Variants in PACRG observed in about 807,000 individuals in gnomAD.
PACRG encodes parkin coregulated gene protein.
Under a neutral mutation model 29.7 loss-of-function variants are expected in PACRG, and 29 were observed. That is an observed-to-expected ratio of 0.98 (90% CI 0.73 to 1.33). The LOEUF (loss-of-function observed/expected upper bound fraction) is 1.33, where lower values mean the gene tolerates loss of function less well. Among genes scored for constraint, PACRG ranks in the 40% most tolerant of loss-of-function variants. The probability of loss-of-function intolerance (pLI) is 0.00; values close to 1 mark genes in which losing one functional copy is unlikely to be tolerated. For synonymous variants in PACRG, 116 were observed against 118.7 expected (o/e 0.98, Z 0.15); for missense variants, 279 against 316.2 (o/e 0.88, Z 0.89).
rs540173639 is a variant in PACRG at position 162,951,914 on chromosome 6, A to C, written c.292-110236A>C. ...CAGCCAACATAGCTTTCCTGGTCTT[A>C]ACCCATCAGCTTTGCTTGTGCCTCC... is the stretch of plus-strand genomic sequence containing the variant. On this transcript the variant is annotated intron_variant, in intron 2 of 4. Transcript: ENST00000366888. Among the ~76,000 whole-genome samples, 28 of 152,274 alleles carry C rather than the reference A, an allele frequency of 1.8e-4. 1 individual carries two copies. The South Asian group carries it at 4.6e-3, about 25-fold the overall frequency.
intron 2 of PACRG, among the ~76,000 whole-genome samples, chr6:162,937,960 C>T (rs977472103): frequency 1.3e-5 from 2 of 151,576 alleles, no homozygotes; most frequent in African/African-American, 4.9e-5. Context: ...AGAGTAAGTT[C>T]TTTAGTGGTG....
chr6:162,922,155 T>A (rs554470721), intron 2 of PACRG, among the ~76,000 whole-genome samples: 1 of 151,628 alleles, frequency 6.6e-6, no homozygotes, highest in South Asian at 2.1e-4. Context: ...TCTTAGGAAT[T>A]TCCGCCTTAT....
At chr6:162,747,656 A>G (rs1208635247) in intron 1 of PACRG, among the ~76,000 whole-genome samples, 1 of 151,188 alleles carries the variant, frequency 6.6e-6, no homozygotes. Flanking sequence ...AGGGAAAGCC[A>G]GAATCAACCA....
intron 2 of PACRG, among the ~76,000 whole-genome samples, chr6:162,960,213 C>G (rs528545428): frequency 6.6e-6 from 1 of 152,314 alleles, no homozygotes; most frequent in African/African-American, 2.4e-5. Context: ...TCTCAAAGAA[C>G]TTAAAACAGA....
chr6:162,887,350 A>C (rs978223064), intron 2 of PACRG, among the ~76,000 whole-genome samples: 1 of 152,220 alleles, frequency 6.6e-6, no homozygotes, highest in African/African-American at 2.4e-5. Context: ...CCATCTTTGC[A>C]AATTAAGAGA....
At chr6:163,227,400 G>A (rs1387200257) in intron 4 of PACRG, among the ~76,000 whole-genome samples, 1 of 152,168 alleles carries the variant, frequency 6.6e-6, no homozygotes, top group Middle Eastern at 3.2e-3. Flanking sequence ...CTCCCACCAG[G>A]CCTCGCCTCC....
intron 4 of PACRG, among the ~76,000 whole-genome samples, chr6:163,196,428 T>G (rs1229301250): frequency 6.6e-6 from 1 of 152,236 alleles, no homozygotes; most frequent in African/African-American, 2.4e-5. Context: ...CACCTTGCTG[T>G]GCAGCATTGG....
intron 2 of PACRG, among the ~76,000 whole-genome samples, chr6:163,059,043 C>A: frequency 6.6e-6 from 1 of 151,616 alleles, no homozygotes; most frequent in Admixed American, 6.6e-5. Context: ...CGCACCACTG[C>A]CCTCCAGGCT....
intron 2 of PACRG, among the ~76,000 whole-genome samples, chr6:162,985,213 G>T (rs1456502581): frequency 6.6e-6 from 1 of 151,962 alleles, no homozygotes. Context: ...TATGAAGCCA[G>T]TACCACCCTA....
intron 4 of PACRG, among the ~76,000 whole-genome samples, chr6:163,174,138 A>G (rs1562949749): frequency 6.6e-6 from 1 of 152,218 alleles, no homozygotes; most frequent in Non-Finnish European, 1.5e-5. Context: ...GGAATACCCA[A>G]TCTTTTGGCT....
At chr6:163,036,837 CATCCACCT>C (rs1262043217) in intron 2 of PACRG, among the ~76,000 whole-genome samples, 6 of 150,352 alleles carry the variant, frequency 4.0e-5, no homozygotes, top group Non-Finnish European at 8.9e-5. Context: ...TCCATCCATC[CATCCACCT>C]ATCCATCCAG....
At chr6:162,769,521 T>A (rs1783051482) in intron 1 of PACRG, among the ~76,000 whole-genome samples, 1 of 151,972 alleles carries the variant, frequency 6.6e-6, no homozygotes, top group African/African-American at 2.4e-5. Flanking sequence ...ACCTTGATGG[T>A]TTTTGTGCCT....
At chr6:163,213,952 C>G (rs1208173007) in intron 4 of PACRG, among the ~76,000 whole-genome samples, 2 of 152,172 alleles carry the variant, frequency 1.3e-5, no homozygotes, top group Non-Finnish European at 2.9e-5. Flanking sequence ...AGTAGCCTCT[C>G]TTTTTCCCAC....
At chr6:162,968,173 T>C (rs1453510129) in intron 2 of PACRG, among the ~76,000 whole-genome samples, 4 of 152,198 alleles carry the variant, frequency 2.6e-5, no homozygotes, top group Admixed American at 1.3e-4. Flanking sequence ...TCAGAGAGTT[T>C]CTCTCTTCCA....
intron 2 of PACRG, among the ~76,000 whole-genome samples, chr6:162,916,916 A>G (rs993897295): frequency 3.3e-5 from 5 of 151,774 alleles, no homozygotes; most frequent in African/African-American, 9.7e-5. Flanking sequence ...AATGTGTGGC[A>G]CTCCCAGCCA....
intron 4 of PACRG, among the ~76,000 whole-genome samples, chr6:163,128,881 G>T (rs370361278): frequency 1.3e-5 from 2 of 152,018 alleles, no homozygotes; most frequent in African/African-American, 4.8e-5. Flanking sequence ...TCTAAAGAAC[G>T]TATAATAAAA....
chr6:163,074,623 C>T (rs1204697491), intron 3 of PACRG, among the ~76,000 whole-genome samples: 5 of 142,796 alleles, frequency 3.5e-5, no homozygotes, highest in East Asian at 2.3e-4. Flanking sequence ...TACCCTGATG[C>T]GATTATTACA....
intron 2 of PACRG, among the ~76,000 whole-genome samples, chr6:162,899,467 C>T (rs895727596): frequency 2.0e-5 from 3 of 152,114 alleles, no homozygotes; most frequent in Non-Finnish European, 2.9e-5. Flanking sequence ...TCTCCAAGCC[C>T]GTGCCGGACC....
chr6:163,019,123 G>C (rs1806367125), intron 2 of PACRG, among the ~76,000 whole-genome samples: 1 of 152,032 alleles, frequency 6.6e-6, no homozygotes, highest in East Asian at 1.9e-4. Context: ...TCTATTGAGG[G>C]GCATGTCTTG....
Sources: gnomAD v4.1 joint callset for allele counts (sites outside exome capture counted in the v4.1 genomes callset) on GRCh38, gnomAD v4.1.1 for gene constraint, MANE v1.5 for transcripts, NCBI Gene and HGNC (gene_info 2026-07-23, HGNC 2026-07-21) for gene names.